Variants in ATP6V1H observed in about 807,000 individuals in gnomAD.
ATP6V1H encodes the protein V-type proton ATPase subunit H.
Under a neutral mutation model 71.7 loss-of-function variants are expected in ATP6V1H, and 39 were observed. The ratio of observed to expected loss-of-function variants is 0.54; its 90% CI spans 0.42 to 0.71. The LOEUF is 0.71. ATP6V1H is among the 30% of genes least tolerant of loss of function. The pLI, the probability that ATP6V1H is intolerant of heterozygous loss-of-function variation, is 0.00. For synonymous variants in ATP6V1H, 192 were observed against 199.3 expected, an observed-to-expected ratio of 0.96 and a Z score of 0.31; for missense variants, 509 against 594.9, an observed-to-expected ratio of 0.86 and a Z score of 1.50.
intron 4 of ATP6V1H, among the ~76,000 whole-genome samples, chr8:53,819,274 G>A (rs1256574693): frequency 1.3e-5 from 2 of 151,382 alleles, no homozygotes; most frequent in African/African-American, 2.4e-5. Flanking sequence ...GCTCACGCCT[G>A]TAGTCCCAGC....
At chr8:53,827,889 TA>T (rs1313948129) in intron 4 of ATP6V1H, among the ~76,000 whole-genome samples, 1 of 152,200 alleles carries the variant, frequency 6.6e-6, no homozygotes, top group Non-Finnish European at 1.5e-5. Context: ...TGTGTTAGTT[TA>T]CTAAGGATAA....
intron 12 of ATP6V1H, among the ~76,000 whole-genome samples, chr8:53,744,251 G>A (rs1363085278): frequency 6.6e-6 from 1 of 152,084 alleles, no homozygotes; most frequent in African/African-American, 2.4e-5. Context: ...GACTTGGGCA[G>A]TGAGACGAAG....
intron 12 of ATP6V1H, among the ~76,000 whole-genome samples, chr8:53,748,881 A>G (rs945321527): frequency 2.6e-5 from 4 of 152,362 alleles, no homozygotes; most frequent in African/African-American, 9.6e-5. Flanking sequence ...GGTTTGTGCC[A>G]CTATCAACAC....
At chr8:53,829,625 T>G (rs1810940240) in intron 3 of ATP6V1H, 92 bp from the exon 4 acceptor site, 1 of 762,992 alleles carries the variant, frequency 1.3e-6, no homozygotes, top group Admixed American at 3.0e-5. Context: ...TTTCATAAAT[T>G]AGGATACAAA....
At chr8:53,809,464 A>C (rs1810203155) in intron 7 of ATP6V1H, among the ~76,000 whole-genome samples, 1 of 152,222 alleles carries the variant, frequency 6.6e-6, no homozygotes, top group South Asian at 2.1e-4. Flanking sequence ...GAGTCACTAA[A>C]GGGAAGAAGG....
At chr8:53,769,787 C>G (rs1808591585) in intron 10 of ATP6V1H, 44 bp from the exon 11 acceptor site, 1 of 1,511,650 alleles carries the variant, frequency 6.6e-7, no homozygotes, top group Non-Finnish European at 9.0e-7. Flanking sequence ...AAGAATCTGA[C>G]AGTACTCCAA....
intron 13 of ATP6V1H, among the ~76,000 whole-genome samples, chr8:53,719,795 G>A (rs1806553022): frequency 6.6e-6 from 1 of 152,208 alleles, no homozygotes; most frequent in South Asian, 2.1e-4. Context: ...CAAGAGCTAA[G>A]TGAGCAAAGC....
intron 13 of ATP6V1H, 70 bp downstream of exon 13, chr8:53,743,507 A>C (rs891176602): frequency 3.7e-6 from 4 of 1,081,218 alleles, no homozygotes; most frequent in African/African-American, 1.6e-5. Flanking sequence ...CATTTGCATA[A>C]GAACTTTTAG....
At chr8:53,805,678 C>T (rs1810056684) in intron 7 of ATP6V1H, among the ~76,000 whole-genome samples, 1 of 152,148 alleles carries the variant, frequency 6.6e-6, no homozygotes. Context: ...TAAAGGTATA[C>T]ATCTGCCAAA....
intron 13 of ATP6V1H, among the ~76,000 whole-genome samples, chr8:53,732,386 C>T (rs1807054564): frequency 6.6e-6 from 1 of 152,134 alleles, no homozygotes; most frequent in Non-Finnish European, 1.5e-5. Context: ...GTGCACGTTA[C>T]AGAACCTTAA....
chr8:53,783,961 A>C (rs1050209394), intron 9 of ATP6V1H, among the ~76,000 whole-genome samples: 1 of 152,238 alleles, frequency 6.6e-6, no homozygotes, highest in Non-Finnish European at 1.5e-5. Context: ...TTTACTTCCA[A>C]CTATGTGGTC....
intron 4 of ATP6V1H, among the ~76,000 whole-genome samples, chr8:53,820,160 C>T (rs532045026): frequency 8.6e-5 from 13 of 151,650 alleles, no homozygotes; most frequent in Admixed American, 7.9e-4. Flanking sequence ...GATCTACAAT[C>T]GCCACCATAA....
intron 2 of ATP6V1H, among the ~76,000 whole-genome samples, chr8:53,840,726 A>G (rs563894701): frequency 6.6e-6 from 1 of 152,320 alleles, no homozygotes; most frequent in Non-Finnish European, 1.5e-5. Context: ...ACAACAACAC[A>G]AACTATTAAT....
intron 4 of ATP6V1H, among the ~76,000 whole-genome samples, 187 bp from the exon 5 acceptor site, chr8:53,817,717 T>TA (rs1810498357): frequency 2.0e-5 from 3 of 152,020 alleles, no homozygotes; most frequent in Admixed American, 6.6e-5. Flanking sequence ...GATATTTTAC[T>TA]AAAAAAATCA....
intron 9 of ATP6V1H, 105 bp downstream of exon 9, chr8:53,795,542 T>C: frequency 5.9e-6 from 6 of 1,017,788 alleles, no homozygotes; most frequent in East Asian, 2.4e-5. Context: ...TATGGTTTCA[T>C]AACCACAAGA....
intron 9 of ATP6V1H, among the ~76,000 whole-genome samples, chr8:53,783,117 G>A (rs1809227713): frequency 1.3e-5 from 2 of 152,046 alleles, no homozygotes; most frequent in South Asian, 2.1e-4. Context: ...AGAAGGAATG[G>A]TACCAGCTCC....
chr8:53,842,184 G>C (rs1811362928), intron 1 of ATP6V1H, among the ~76,000 whole-genome samples: 1 of 152,130 alleles, frequency 6.6e-6, no homozygotes, highest in Admixed American at 6.5e-5. Flanking sequence ...AAGTCCTTTC[G>C]AAAATTACTC....
intron 12 of ATP6V1H, chr8:53,756,325 G>A: frequency 7.2e-6 from 2 of 278,494 alleles, no homozygotes; most frequent in Non-Finnish European, 1.3e-5. Flanking sequence ...CTTGTGATCT[G>A]CCTGCCTCGG....
intron 13 of ATP6V1H, among the ~76,000 whole-genome samples, chr8:53,736,447 C>T (rs138157686): frequency 1.1e-4 from 17 of 152,278 alleles, no homozygotes; most frequent in East Asian, 3.9e-4. Context: ...CCCGAACAGA[C>T]GCCCACAAGT....
Sources: gnomAD v4.1 joint callset for allele counts (sites outside exome capture counted in the v4.1 genomes callset) on GRCh38, gnomAD v4.1.1 for gene constraint, MANE v1.5 for transcripts, NCBI Gene and HGNC (gene_info 2026-07-23, HGNC 2026-07-21) for gene names.